The following ZNF804A variants were observed in gnomAD, a reference collection of about 807,000 sequenced individuals.
ZNF804A encodes the protein zinc finger protein 804A.
A neutral mutation model predicts 16.5 loss-of-function variants in ZNF804A; 2 were observed. The ratio of observed to expected loss-of-function variants is 0.12; its 90% confidence interval spans 0.05 to 0.38. The LOEUF (loss-of-function observed/expected upper bound fraction) is 0.38. Ranked by LOEUF, ZNF804A falls within the 10% of genes least tolerant of loss-of-function variation. ZNF804A has a pLI of 0.99. For synonymous variants in ZNF804A, 534 were observed against 489.6 expected (o/e 1.09, Z -1.20); for missense variants, 1,473 against 1,390.7 (o/e 1.06, Z -0.94).
chr2:184,816,972 T>C (rs1195074225), intron 1 of ZNF804A, among the ~76,000 whole-genome samples: 1 of 152,034 alleles, frequency 6.6e-6, no homozygotes, highest in Non-Finnish European at 1.5e-5. Flanking sequence ...TCTTAAGTAC[T>C]TCAGCCATTT....
intron 1 of ZNF804A, among the ~76,000 whole-genome samples, chr2:184,695,680 A>T (rs1257216263): frequency 1.3e-5 from 2 of 151,848 alleles, no homozygotes; most frequent in East Asian, 3.9e-4. Flanking sequence ...GGCCTTCCAA[A>T]GTGTTGGGAT....
intron 1 of ZNF804A, among the ~76,000 whole-genome samples, chr2:184,637,573 C>A (rs1434614462): frequency 6.6e-6 from 1 of 152,102 alleles, no homozygotes; most frequent in Non-Finnish European, 1.5e-5. Context: ...GTTAATAATT[C>A]TGTTCAAAAC....
At chr2:184,629,803 T>C (rs1691575253) in intron 1 of ZNF804A, among the ~76,000 whole-genome samples, 1 of 152,264 alleles carries the variant, frequency 6.6e-6, no homozygotes, top group East Asian at 1.9e-4. Flanking sequence ...AATGTGCATG[T>C]TCTAGTGGGC....
intron 1 of ZNF804A, among the ~76,000 whole-genome samples, chr2:184,615,390 G>T (rs1234317028): frequency 6.6e-6 from 1 of 152,122 alleles, no homozygotes; most frequent in African/African-American, 2.4e-5. Context: ...GAATAATTGG[G>T]TGATGGCACA....
chr2:184,614,014 A>G (rs1230007516), intron 1 of ZNF804A, among the ~76,000 whole-genome samples: 1 of 152,218 alleles, frequency 6.6e-6, no homozygotes. Context: ...TGGAGGCATC[A>G]TGCTATCTGA....
chr2:184,835,201 A>G lies in ZNF804A; in HGVS notation c.112-31168A>G, dbSNP rs2105797478. 2.0e-5 allele frequency among the ~76,000 whole-genome samples: 3 copies of G among 152,234 alleles called. No individual in the cohort carries two copies. The Middle Eastern group carries it at 0.01, about 518-fold the overall frequency. ...CCCCCAGGAGAGAATTCAAGGGTGA[A>G]CCAGTATTGTCAGACAGCAGCTTTT... On this transcript the variant is annotated intron_variant, in intron 1 of 3. Coordinates refer to ENST00000302277, the MANE Select transcript of ZNF804A (RefSeq NM_194250.2).
chr2:184,866,030 G>A lies in ZNF804A; in HGVS notation c.112-339G>A, dbSNP rs574861435. On this transcript the variant is annotated intron_variant, in intron 1 of 3. Transcript: ENST00000302277. ...TTTTATGTTAGCTGAGTCATTGCCAGGAATCCACAGTTGAATCAAGATAGC... is the reference window on the plus strand; with the variant it reads ...TTTTATGTTAGCTGAGTCATTGCCAAGAATCCACAGTTGAATCAAGATAGC... 1.1e-4 allele frequency among the ~76,000 whole-genome samples: 17 copies of A among 152,166 alleles called. 1 individual carries two copies. In the South Asian group the frequency reaches 3.5e-3, roughly 32 times the overall value.
chr2:184,841,636 A>C (rs961826118), intron 1 of ZNF804A, among the ~76,000 whole-genome samples: 1 of 152,222 alleles, frequency 6.6e-6, no homozygotes, highest in Non-Finnish European at 1.5e-5. Flanking sequence ...CTGGCTGACC[A>C]GTAATAATAC....
At chr2:184,750,036 A>T (rs551634393) in intron 1 of ZNF804A, among the ~76,000 whole-genome samples, 1 of 151,376 alleles carries the variant, frequency 6.6e-6, no homozygotes, top group Non-Finnish European at 1.5e-5. Context: ...TCTCTCAGAA[A>T]GTTCAAGCTT....
chr2:184,900,851 G>A (rs761778570), intron 2 of ZNF804A, among the ~76,000 whole-genome samples: 1 of 152,126 alleles, frequency 6.6e-6, no homozygotes, highest in Non-Finnish European at 1.5e-5. Context: ...ACATCTGTCT[G>A]TATCCAAACA....
intron 1 of ZNF804A, among the ~76,000 whole-genome samples, chr2:184,839,019 A>T (rs1268509473): frequency 6.6e-6 from 1 of 152,108 alleles, no homozygotes; most frequent in Non-Finnish European, 1.5e-5. Flanking sequence ...TGTCCAGAGA[A>T]TTGAACATTG....
At chr2:184,763,742 A>G (rs914419598) in intron 1 of ZNF804A, among the ~76,000 whole-genome samples, 2 of 136,414 alleles carry the variant, frequency 1.5e-5, no homozygotes, top group African/African-American at 5.6e-5. Flanking sequence ...TCCCGGGTTC[A>G]TGCCATTCTC....
chr2:184,737,362 T>C (rs1693642758), intron 1 of ZNF804A, among the ~76,000 whole-genome samples: 1 of 151,954 alleles, frequency 6.6e-6, no homozygotes, highest in Admixed American at 6.6e-5. Flanking sequence ...CGACCGGCTT[T>C]ACTACTCCTT....
In ZNF804A at chr2:184,858,362, G is replaced by T. The variant is rs116728663; in HGVS notation, c.112-8007G>T. Among the ~76,000 whole-genome samples, 425 of 151,782 alleles carry T rather than the reference G, an allele frequency of 2.8e-3. 5 individuals carry two copies. The highest frequency in any genetic ancestry group is 9.8e-3 in the African/African-American group (405 of 41,370). ...CTATTAAAAATATAAAAATTAGCAG[G>T]ACATGTTGGCACACATCTGTAATTC... On this transcript the variant is annotated intron_variant, in intron 1 of 3. Coordinates refer to ENST00000302277, the MANE Select transcript of ZNF804A (RefSeq NM_194250.2).
At chr2:184,691,134 T>C (rs1273824098) in intron 1 of ZNF804A, among the ~76,000 whole-genome samples, 2 of 152,030 alleles carry the variant, frequency 1.3e-5, no homozygotes, top group Non-Finnish European at 2.9e-5. Context: ...TTTGAAGGGA[T>C]GATCATGCTT....
rs182198549 is a variant in ZNF804A, at chr2:184,685,062, G to A, written c.111+85992G>A. Reference sequence around the variant, plus strand: ...TGGATCCTACACCTGCCAAGATTGAGGGAGGCATGTAGTGGGGAGGAGTAT... The same window carrying A: ...TGGATCCTACACCTGCCAAGATTGAAGGAGGCATGTAGTGGGGAGGAGTAT... On this transcript the variant is annotated intron_variant, in intron 1 of 3. Transcript: ENST00000302277. 1.3e-3 allele frequency among the ~76,000 whole-genome samples: 197 copies of A among 152,232 alleles called. 4 individuals are homozygous for A. The highest frequency in any genetic ancestry group is 0.012 in the Admixed American group (178 of 15,286).
intron 2 of ZNF804A, among the ~76,000 whole-genome samples, chr2:184,917,318 T>C (rs1028801350): frequency 2.0e-5 from 3 of 152,192 alleles, no homozygotes; most frequent in Non-Finnish European, 2.9e-5. Flanking sequence ...CAGAAGATAA[T>C]TTAAAGTCAT....
chr2:184,797,233 C>G (rs924272727), intron 1 of ZNF804A, among the ~76,000 whole-genome samples: 13 of 151,992 alleles, frequency 8.6e-5, no homozygotes, highest in Non-Finnish European at 1.8e-4. Flanking sequence ...GTATTGAAGT[C>G]CCTCACTATT....
chr2:184,623,286 C>A (rs1691446416), intron 1 of ZNF804A, among the ~76,000 whole-genome samples: 1 of 151,738 alleles, frequency 6.6e-6, no homozygotes, highest in Admixed American at 6.6e-5. Flanking sequence ...AAAATAAAAT[C>A]CTGACATGAA....
Sources: allele counts gnomAD v4.1 joint callset (sites outside exome capture counted in the v4.1 genomes callset), GRCh38; gene constraint gnomAD v4.1.1; transcripts MANE v1.5; gene names NCBI Gene and HGNC (gene_info 2026-07-23, HGNC 2026-07-21).